DLGAP2: variants seen among roughly 807,000 people sequenced by gnomAD.
DLGAP2 encodes DLG associated protein 2.
DLGAP2 carries 26 observed loss-of-function variants against 100.3 expected under a neutral mutation model. The observed-to-expected ratio is 0.26, with a 90% CI of 0.19 to 0.36. The LOEUF is 0.36. DLGAP2 is among the 10% of genes least tolerant of loss of function. DLGAP2 has a pLI of 1.00. For synonymous variants in DLGAP2, 886 were observed against 630.1 expected (o/e 1.41, Z -6.08); for missense variants, 1,858 against 1,453.2 (o/e 1.28, Z -4.53).
At chr8:1,330,423 C>T (rs139417637) in intron 3 of DLGAP2, among the ~76,000 whole-genome samples, 5,325 of 129,196 alleles carry the variant, frequency 0.041, 163 homozygotes, top group South Asian at 0.087. Flanking sequence ...AGCACCGCTT[C>T]GCGGGGACTG....
chr8:1,102,536 T>G (rs1240330165), intron 2 of DLGAP2, among the ~76,000 whole-genome samples: 2 of 151,980 alleles, frequency 1.3e-5, no homozygotes, highest in Non-Finnish European at 2.9e-5. Context: ...TCTTTTGATA[T>G]TATATATTTA....
rs574886419 is a variant in DLGAP2, at chr8:1,407,842, C to T, written c.107-93524C>T. Among the ~76,000 whole-genome samples the T allele has an allele frequency of 4.5e-4, 67 of 147,734 alleles. 1 individual carries two copies. Among genetic ancestry groups the T allele is most frequent in the African/African-American group, 1.6e-3 (62 of 39,692 alleles). On this transcript the variant is annotated intron_variant, in intron 3 of 14. Transcript: ENST00000637795. ...TACTGAGCGCCACCTCCTCATCCTC[C>T]GGAGTCGTGTATTGAGTGCTTACTG...
intron 2 of DLGAP2, among the ~76,000 whole-genome samples, chr8:960,264 C>G (rs181327966): frequency 0.044 from 825 of 18,762 alleles, 16 homozygotes; most frequent in African/African-American, 0.22. Flanking sequence ...CCGAGACACT[C>G]TCACGCTGTC....
chr8:1,544,808 T>C (rs534095620), intron 4 of DLGAP2, among the ~76,000 whole-genome samples: 2 of 151,846 alleles, frequency 1.3e-5, no homozygotes, highest in Middle Eastern at 3.4e-3. Flanking sequence ...TCTTGGCTCA[T>C]TGCAACTTCT....
At chr8:828,906 T>C (rs1365653852) in intron 1 of DLGAP2, among the ~76,000 whole-genome samples, 1 of 152,248 alleles carries the variant, frequency 6.6e-6, no homozygotes, top group African/African-American at 2.4e-5. Flanking sequence ...GGTCTATATG[T>C]AATGGATTCA....
At chr8:1,146,323 A>G (rs1419543959) in intron 2 of DLGAP2, among the ~76,000 whole-genome samples, 1 of 152,094 alleles carries the variant, frequency 6.6e-6, no homozygotes, top group East Asian at 1.9e-4. Context: ...TCATTTTCCT[A>G]GTGTGCTGTC....
intron 4 of DLGAP2, among the ~76,000 whole-genome samples, chr8:1,505,660 A>T (rs1799884330): frequency 6.6e-6 from 1 of 152,244 alleles, no homozygotes; most frequent in African/African-American, 2.4e-5. Flanking sequence ...GAATTAATGT[A>T]GCACATTCAA....
intron 2 of DLGAP2, among the ~76,000 whole-genome samples, chr8:1,198,125 C>T (rs560198772): frequency 4.0e-5 from 6 of 151,346 alleles, no homozygotes; most frequent in South Asian, 2.1e-4. Context: ...TGCGTGTGTG[C>T]GTGTGGGTGT....
At chr8:1,159,366 C>A (rs572764112) in intron 2 of DLGAP2, among the ~76,000 whole-genome samples, 1 of 152,168 alleles carries the variant, frequency 6.6e-6, no homozygotes, top group Admixed American at 6.5e-5. Context: ...TTCAGGAAAT[C>A]GTTTACTTTC....
chr8:819,087 G>C (rs960932524), intron 1 of DLGAP2, among the ~76,000 whole-genome samples: 15 of 152,138 alleles, frequency 9.9e-5, no homozygotes, highest in African/African-American at 3.6e-4. Context: ...TCCAGAATTT[G>C]ATAAGTATCA....
intron 1 of DLGAP2, among the ~76,000 whole-genome samples, chr8:879,861 G>T (rs1046478343): frequency 6.6e-6 from 1 of 152,114 alleles, no homozygotes; most frequent in Non-Finnish European, 1.5e-5. Context: ...TTGTTACCTG[G>T]ACTGTCTTCT....
intron 1 of DLGAP2, among the ~76,000 whole-genome samples, chr8:742,894 A>G (rs1820521383): frequency 6.6e-6 from 1 of 152,150 alleles, no homozygotes; most frequent in African/African-American, 2.4e-5. Context: ...TGATAGGGTT[A>G]AGGAGGATTA....
At chr8:1,434,219 G>T (rs1218843602) in intron 3 of DLGAP2, among the ~76,000 whole-genome samples, 1 of 152,156 alleles carries the variant, frequency 6.6e-6, no homozygotes, top group East Asian at 1.9e-4. Flanking sequence ...GGTAAATGTG[G>T]ATTCTCAGAC....
intron 2 of DLGAP2, among the ~76,000 whole-genome samples, chr8:1,010,095 A>C (rs1801231790): frequency 6.6e-6 from 1 of 152,240 alleles, no homozygotes; most frequent in African/African-American, 2.4e-5. Flanking sequence ...CATCTTCAAC[A>C]AACTAAAGAT....
intron 2 of DLGAP2, among the ~76,000 whole-genome samples, chr8:957,771 T>G (rs1799629234): frequency 6.6e-6 from 1 of 152,214 alleles, no homozygotes; most frequent in African/African-American, 2.4e-5. Context: ...AATGAACATT[T>G]TAGAAGAAGG....
chr8:1,000,844 T>G (rs1800934626), intron 2 of DLGAP2, among the ~76,000 whole-genome samples: 1 of 151,996 alleles, frequency 6.6e-6, no homozygotes, highest in South Asian at 2.1e-4. Context: ...CTGCGATGTG[T>G]GTGGACAGGT....
chr8:1,701,379 C>T lies in DLGAP2; in HGVS notation c.3141C>T (p.Tyr1047=), dbSNP rs762623635. 1 of 1,597,360 alleles carries T rather than the reference C, an allele frequency of 6.3e-7. No individual in the cohort carries two copies. The highest frequency in any genetic ancestry group is 8.5e-7 in the Non-Finnish European group (1 of 1,172,884). The part of the protein sequence containing the change: ...ASERADSIEI[Y]IPEAQTRL ...AGCGCGCGGACAGCATCGAGATCTACATCCCCGAGGCCCAGACCCGGCTCT... is the reference window on the plus strand; with the variant it reads ...AGCGCGCGGACAGCATCGAGATCTATATCCCCGAGGCCCAGACCCGGCTCT... The change falls in exon 15 of 15, where the codon TAC becomes TAT. Residue 1047 remains tyrosine, a synonymous_variant. Coordinates refer to ENST00000637795, the MANE Select transcript of DLGAP2 (RefSeq NM_001346810.2).
chr8:1,314,589 C>T (rs953169874), intron 3 of DLGAP2, among the ~76,000 whole-genome samples: 7 of 152,182 alleles, frequency 4.6e-5, no homozygotes, highest in Non-Finnish European at 8.8e-5. Flanking sequence ...GTGTCACCGC[C>T]TCTCAGGTGT....
chr8:1,430,991 C>T (rs1255124650), intron 3 of DLGAP2, among the ~76,000 whole-genome samples: 4 of 152,200 alleles, frequency 2.6e-5, no homozygotes, highest in African/African-American at 7.2e-5. Context: ...CTCCTATTTA[C>T]AAGATGAGGC....
Sources: gnomAD v4.1 joint callset for allele counts (sites outside exome capture counted in the v4.1 genomes callset) on GRCh38, gnomAD v4.1.1 for gene constraint, MANE v1.5 for transcripts, NCBI Gene and HGNC (gene_info 2026-07-23, HGNC 2026-07-21) for gene names.